POLG: variants seen among roughly 807,000 people sequenced by gnomAD.
The protein encoded by POLG is DNA polymerase subunit gamma-1.
POLG carries 110 observed loss-of-function variants against 155.4 expected under a neutral mutation model. The ratio of observed to expected loss-of-function variants is 0.71; its 90% CI spans 0.61 to 0.83. The LOEUF (loss-of-function observed/expected upper bound fraction) is 0.83, where lower values mean the gene tolerates loss of function less well. POLG is among the 40% of genes least tolerant of loss of function. The pLI is 0.00. For synonymous variants in POLG, 701 were observed against 631.5 expected (o/e 1.11, Z -1.65); for missense variants, 1,685 against 1,627.5 (o/e 1.04, Z -0.61).
At chr15:89,320,309 A>G (rs1322770120) in intron 18 of POLG, among the ~76,000 whole-genome samples, 1 of 152,186 alleles carries the variant, frequency 6.6e-6, no homozygotes, top group Non-Finnish European at 1.5e-5. Flanking sequence ...GAGGAAACAA[A>G]TTGGAGAGCT....
rs1346472949 is a variant in POLG at position 89,333,814 on chromosome 15, G to A, written c.-60C>T. 1.3e-6 allele frequency: 2 copies of A among 1,527,550 alleles called. No homozygotes were observed. Among genetic ancestry groups the A allele is most frequent in the Non-Finnish European group, 1.8e-6 (2 of 1,140,102 alleles). 94.6% of individuals were successfully genotyped at this position (1,527,550 alleles called of 1,614,324 possible). ...ACACCTGGCTTTGGGCTCCAGCTTGGCTTCTTTTACTGGCTGGAAGACGTG... is the reference window on the plus strand; with the variant it reads ...ACACCTGGCTTTGGGCTCCAGCTTGACTTCTTTTACTGGCTGGAAGACGTG... On this transcript the variant is annotated 5_prime_UTR_variant, in exon 2 of 23. Coordinates refer to ENST00000268124, the MANE Select transcript of POLG (RefSeq NM_002693.3).
rs752172363 is a variant in POLG at position 89,328,990 on chromosome 15, T to TG, written c.975dup (p.Thr326HisfsTer62). On this transcript the variant is annotated frameshift_variant, in exon 4 of 23. Transcript: ENST00000268124. LOFTEE classifies it high-confidence loss of function. ...CTCTGGGACTTCTGGCCTTGCTTTG[T>TG]GGGGGGCTGGACCTTGTGTTTGCCC... is the stretch of plus-strand genomic sequence containing the variant. 1.9e-6 allele frequency: 3 copies of TG among 1,613,730 alleles called. No homozygotes were observed.
Position 89,328,460 on chromosome 15 carries a change from C to T in POLG, c.1246G>A (p.Glu416Lys). The T allele has an allele frequency of 1.9e-6, 3 of 1,613,354 alleles. No individual in the cohort carries two copies. The highest frequency in any genetic ancestry group is 2.5e-6 in the Non-Finnish European group (3 of 1,179,582). The change falls in exon 6 of 23, where the codon GAG (glutamate) becomes AAG (lysine). Residue 416 changes from glutamate (E) to lysine (K), a missense_variant. Glu to Lys is a moderately conservative substitution (Grantham distance 56). Coordinates refer to ENST00000268124, the MANE Select transcript of POLG (RefSeq NM_002693.3). ...CCCACATGGGCTCCCCCTCACCTCT[C>T]CAAGAAGAGCGGTAGCTGCTGCTGG... Reference protein sequence around the residue: ...VFQQQLPLFLERCPHPVTLAG... With the variant: ...VFQQQLPLFLKRCPHPVTLAG...
chr15:89,328,170 G>C (rs2055547815), intron 6 of POLG, among the ~76,000 whole-genome samples: 1 of 152,144 alleles, frequency 6.6e-6, no homozygotes, highest in Non-Finnish European at 1.5e-5. Flanking sequence ...TAACCACGCT[G>C]TATGTGAAGC....
Position 89,333,389 on chromosome 15 carries a change from G to T in POLG, c.366C>A (p.Asp122Glu). The change falls in exon 2 of 23, where the codon GAC (aspartate) becomes GAA (glutamate). Residue 122 changes from aspartate to glutamate, a missense_variant. Physicochemically the swap from Asp to Glu is conservative, Grantham distance 45. Transcript: ENST00000268124. Reference sequence around the variant, plus strand: ...AGAGGGGCGGCAGGCGCAGCTCCACGTCGGGCAAGGGCACGGCTGGCTGCC... The same window carrying T: ...AGAGGGGCGGCAGGCGCAGCTCCACTTCGGGCAAGGGCACGGCTGGCTGCC... Reference protein sequence around the residue: ...LWGQPAVPLPDVELRLPPLYG... With the variant: ...LWGQPAVPLPEVELRLPPLYG... The T allele has an allele frequency of 1.3e-6, 2 of 1,588,120 alleles. No individual in the cohort carries two copies. The highest frequency in any genetic ancestry group is 1.7e-6 in the Non-Finnish European group (2 of 1,170,544).
chr15:89,316,680 A>T lies in POLG; in HGVS notation c.*71T>A, dbSNP rs910945798. The T allele has an allele frequency of 3.3e-5, 45 of 1,350,630 alleles. No homozygotes were observed. Among genetic ancestry groups the T allele is most frequent in the Admixed American group, 2.1e-4 (12 of 58,344 alleles). 83.7% of individuals were successfully genotyped at this position (1,350,630 alleles called of 1,614,324 possible). On this transcript the variant is annotated 3_prime_UTR_variant, in exon 23 of 23. Transcript: ENST00000268124. ...CCCTTTTGCAAAAAGCACAGCTGAA[A>T]GCCTGAGTTTGGGAGCCTGCACCAC...
rs776468044 is a variant in POLG, at chr15:89,318,923, C to T, written c.3273+8G>A. On this transcript the variant is annotated splice_region_variant and intron_variant, in intron 20 of 22. Coordinates refer to ENST00000268124, the MANE Select transcript of POLG (RefSeq NM_002693.3). The stretch of plus-strand genomic sequence containing the variant: ...CCCTCTGCCCATGCTCCAAAGGTAG[C>T]AAGATACCTCTTCCTGGACAGCCGA... 14 of 1,614,094 alleles carry T rather than the reference C, an allele frequency of 8.7e-6. No individual in the cohort carries two copies. Among genetic ancestry groups the T allele is most frequent in the Admixed American group, 8.3e-5 (5 of 60,024 alleles).
intron 11 of POLG, 79 bp from the exon 12 acceptor site, chr15:89,323,980 C>T: frequency 2.0e-6 from 3 of 1,532,428 alleles, no homozygotes; most frequent in Non-Finnish European, 2.7e-6. Flanking sequence ...CTGCATGGTA[C>T]TCAGACACTG....
chr15:89,318,075 GAT>G (rs1162127895), intron 21 of POLG: 2 of 216,780 alleles, frequency 9.2e-6, no homozygotes, highest in Non-Finnish European at 1.9e-5. Context: ...AAATATATAA[GAT>G]ATTTTTAAAA....
rs1210155721 is a variant in POLG, at chr15:89,334,737, C to G, written c.-224G>C. The G allele has an allele frequency of 6.6e-6, 1 of 152,374 alleles. No individual in the cohort carries two copies. The highest frequency in any genetic ancestry group is 1.5e-5 in the Non-Finnish European group (1 of 68,128). 9.4% of individuals were successfully genotyped at this position (152,374 alleles called of 1,614,324 possible). ...ACCCCAGGCCCACGGCACGGCGTCC[C>G]CCTTCGCGCGGCCTACGCAGCCTCG... On this transcript the variant is annotated 5_prime_UTR_variant, in exon 1 of 23. Coordinates refer to ENST00000268124, the MANE Select transcript of POLG (RefSeq NM_002693.3).
chr15:89,324,388 T>C (rs954162923), intron 10 of POLG, 161 bp from the exon 11 acceptor site: 17 of 815,478 alleles, frequency 2.1e-5, no homozygotes, highest in African/African-American at 1.2e-4. Context: ...CAGGGATTGA[T>C]TGACAAACTG....
At chr15:89,324,407 A>G (rs776369017) in intron 10 of POLG, 180 bp from the exon 11 acceptor site, 6 of 731,298 alleles carry the variant, frequency 8.2e-6, no homozygotes, top group African/African-American at 1.7e-5. Flanking sequence ...TGAAAATGAC[A>G]GCACCCTGGC....
At position 89,327,297 on chromosome 15, in the gene POLG, G is replaced by C. The variant is rs2152067129; in HGVS notation, c.1303C>G (p.Leu435Val). 2 of 1,614,134 alleles carry C rather than the reference G, an allele frequency of 1.2e-6. No homozygotes were observed. Among genetic ancestry groups the C allele is most frequent in the Non-Finnish European group, 1.7e-6 (2 of 1,180,040 alleles). The change falls in exon 7 of 23, where the codon CTG becomes GTG. Residue 435 changes from leucine to valine, a missense_variant. Transcript: ENST00000268124. ...AGMLEMGVSYLPVNQNWERYL... is the reference protein window; with the variant it reads ...AGMLEMGVSYVPVNQNWERYL... ...CGCTCCCAGTTCTGGTTGACAGGCA[G>C]GTAGGAGACACCCATCTCCAGCATG...
rs2055288960 is a variant in POLG at position 89,316,972 on chromosome 15, G to A, written c.3644-145C>T. The A allele has an allele frequency of 4.3e-6, 3 of 695,404 alleles. No homozygotes were observed. The African/African-American group carries it at 5.3e-5, about 12-fold the overall frequency. 43.1% of individuals were successfully genotyped at this position (695,404 alleles called of 1,614,324 possible). On this transcript the variant is annotated intron_variant, in intron 22 of 22. Transcript: ENST00000268124. ...CCACGAACGGTAATGTTACATGTTA[G>A]GAGGGTCTGTTTTCTTTTTATATAA...
intron 1 of POLG, 145 bp downstream of exon 1, chr15:89,334,528 C>T (rs1450202092): frequency 3.9e-5 from 6 of 152,230 alleles, no homozygotes; most frequent in East Asian, 3.9e-4. Context: ...TGCGCCCCGC[C>T]GCCCGCCTGC....
At position 89,330,445 on chromosome 15, in the gene POLG, G is replaced by C. The variant is rs573661106; in HGVS notation, c.660-169C>G. Among the ~76,000 whole-genome samples the C allele has an allele frequency of 4.6e-5, 7 of 152,322 alleles. No individual in the cohort carries two copies. The East Asian group carries it at 1.4e-3, about 29-fold the overall frequency. ...AAACAGCTACAGGTCAGGTGTGGCAGGGTGGGTGTGTGTGCTGGCGGGCAA... is the reference window on the plus strand; with the variant it reads ...AAACAGCTACAGGTCAGGTGTGGCACGGTGGGTGTGTGTGCTGGCGGGCAA... On this transcript the variant is annotated intron_variant, in intron 2 of 22. Transcript: ENST00000268124.
chr15:89,320,715 A>G, intron 18 of POLG, 51 bp downstream of exon 18: 2 of 1,606,042 alleles, frequency 1.2e-6, no homozygotes, highest in Admixed American at 1.7e-5. Context: ...AAGGACAGTA[A>G]AGCAGGCCTC....
intron 13 of POLG, 140 bp downstream of exon 13, chr15:89,323,264 T>A (rs997304696): frequency 1.4e-6 from 1 of 695,444 alleles, no homozygotes; most frequent in African/African-American, 1.8e-5. Flanking sequence ...GATGACAGTA[T>A]GTGCCTGAAA....
intron 9 of POLG, 74 bp from the exon 10 acceptor site, chr15:89,325,760 A>G: frequency 8.5e-7 from 1 of 1,171,090 alleles, no homozygotes. Flanking sequence ...TCTCTCTCAC[A>G]ATGTCCCCAC....
Sources: gnomAD v4.1 joint callset for allele counts (sites outside exome capture counted in the v4.1 genomes callset) on GRCh38, gnomAD v4.1.1 for gene constraint, MANE v1.5 for transcripts, NCBI Gene and HGNC (gene_info 2026-07-23, HGNC 2026-07-21) for gene names.